The following SEMA6D variants were observed in gnomAD, a reference collection of about 807,000 sequenced individuals.
SEMA6D encodes the protein semaphorin-6D.
In SEMA6D, 35 loss-of-function variants were observed where a neutral mutation model predicts 106.6. The ratio of observed to expected loss-of-function variants is 0.33; its 90% CI spans 0.25 to 0.44. SEMA6D has a LOEUF of 0.44. SEMA6D is among the 20% of genes least tolerant of loss of function. SEMA6D has a pLI of 1.00. For missense variants in SEMA6D, 1,185 were observed against 1,345.9 expected (o/e 0.88, Z 1.87); for synonymous variants, 499 against 487.7 (o/e 1.02, Z -0.31).
chr15:47,722,428 G>A (rs1023676877), intron 1 of SEMA6D, among the ~76,000 whole-genome samples: 3 of 152,102 alleles, frequency 2.0e-5, no homozygotes, highest in Admixed American at 6.6e-5. Flanking sequence ...TATGGGGCCC[G>A]TGTGTACTAG....
chr15:47,592,720 T>A (rs2076461977), intron 3 of SEMA6D, among the ~76,000 whole-genome samples: 1 of 152,190 alleles, frequency 6.6e-6, no homozygotes, highest in Non-Finnish European at 1.5e-5. Context: ...ATGAAAAGAT[T>A]GTAGAATTTT....
At chr15:47,242,966 GT>G (rs1202529622) in intron 1 of SEMA6D, among the ~76,000 whole-genome samples, 2 of 152,122 alleles carry the variant, frequency 1.3e-5, no homozygotes, top group African/African-American at 4.8e-5. Context: ...ATCATAGGTT[GT>G]TTGAGGATGT....
chr15:47,472,249 A>G (rs1465313930), intron 3 of SEMA6D, among the ~76,000 whole-genome samples: 2 of 152,144 alleles, frequency 1.3e-5, no homozygotes, highest in Non-Finnish European at 2.9e-5. Flanking sequence ...AATAGCCCCT[A>G]TTGTACAGAG....
At chr15:47,417,221 A>G (rs1051099409) in intron 2 of SEMA6D, among the ~76,000 whole-genome samples, 2 of 152,142 alleles carry the variant, frequency 1.3e-5, no homozygotes, top group African/African-American at 4.8e-5. Context: ...TTCCAGAAAC[A>G]TTTTAAAAGC....
chr15:47,543,851 A>C (rs77371654), intron 3 of SEMA6D, among the ~76,000 whole-genome samples: 5,657 of 152,090 alleles, frequency 0.037, 318 homozygotes, highest in African/African-American at 0.12. Flanking sequence ...GAGAAAAAAA[A>C]CCCTTTATTC....
chr15:47,531,944 G>A (rs1365926966), intron 3 of SEMA6D, among the ~76,000 whole-genome samples: 1 of 152,198 alleles, frequency 6.6e-6, no homozygotes, highest in Non-Finnish European at 1.5e-5. Flanking sequence ...TGGTGCAAAA[G>A]TAATGGCAAA....
At chr15:47,680,202 T>C (rs1360601840) in intron 4 of SEMA6D, among the ~76,000 whole-genome samples, 1 of 152,208 alleles carries the variant, frequency 6.6e-6, no homozygotes, top group South Asian at 2.1e-4. Flanking sequence ...CACCTGCCCG[T>C]AGCAGCTCCT....
At chr15:47,555,556 A>G (rs1040265821) in intron 3 of SEMA6D, among the ~76,000 whole-genome samples, 4 of 152,174 alleles carry the variant, frequency 2.6e-5, no homozygotes, top group Non-Finnish European at 5.9e-5. Flanking sequence ...GGGTATGTGT[A>G]GTCCAAGTTA....
chr15:47,490,647 A>G lies in SEMA6D; in HGVS notation c.-87+20102A>G, dbSNP rs565991456. Among the ~76,000 whole-genome samples, 28 of 152,210 alleles carry G rather than the reference A, an allele frequency of 1.8e-4. No individual in the cohort carries two copies. In the South Asian group the frequency reaches 5.6e-3, roughly 30 times the overall value. On this transcript the variant is annotated intron_variant, in intron 3 of 19. Transcript: ENST00000558014. ...GCAACAGAGTAAGGCTCTGTCTCAA[A>G]TAATAATAATAATACAAATAGAAGC...
At chr15:47,620,715 C>CACAT (rs1555400161) in intron 4 of SEMA6D, among the ~76,000 whole-genome samples, 3 of 148,766 alleles carry the variant, frequency 2.0e-5, no homozygotes, top group Non-Finnish European at 4.5e-5. Flanking sequence ...TATATACACA[C>CACAT]ATATATATAT....
chr15:47,657,959 C>A (rs1427930857), intron 4 of SEMA6D, among the ~76,000 whole-genome samples: 3 of 151,536 alleles, frequency 2.0e-5, no homozygotes, highest in African/African-American at 7.3e-5. Context: ...CCAGGATGGT[C>A]TCGATCTCCT....
chr15:47,566,970 C>T (rs1225219126), intron 3 of SEMA6D, among the ~76,000 whole-genome samples: 1 of 152,140 alleles, frequency 6.6e-6, no homozygotes, highest in East Asian at 1.9e-4. Flanking sequence ...CTCCTTTGGA[C>T]AAGGCATGAA....
chr15:47,503,220 T>C (rs539788386), intron 3 of SEMA6D, among the ~76,000 whole-genome samples: 6 of 152,350 alleles, frequency 3.9e-5, no homozygotes, highest in Admixed American at 2.0e-4. Context: ...TTTCTGCTGA[T>C]ATATCTATTT....
At chr15:47,689,740 G>A (rs918811242) in intron 4 of SEMA6D, among the ~76,000 whole-genome samples, 1 of 152,226 alleles carries the variant, frequency 6.6e-6, no homozygotes, top group Non-Finnish European at 1.5e-5. Flanking sequence ...ACTGAGAGAT[G>A]AGGACTTCCT....
intron 1 of SEMA6D, among the ~76,000 whole-genome samples, chr15:47,351,660 T>C (rs960854972): frequency 2.0e-5 from 3 of 152,142 alleles, no homozygotes; most frequent in African/African-American, 7.2e-5. Flanking sequence ...CACTTGCCAC[T>C]TGGTTGTGTA....
chr15:47,353,087 A>T (rs909773738), intron 1 of SEMA6D, among the ~76,000 whole-genome samples: 1 of 152,026 alleles, frequency 6.6e-6, no homozygotes, highest in Admixed American at 6.6e-5. Flanking sequence ...GTGTGTATGT[A>T]TGTATGTAAA....
intron 4 of SEMA6D, among the ~76,000 whole-genome samples, chr15:47,657,908 T>C (rs1236579508): frequency 6.6e-5 from 10 of 151,436 alleles, no homozygotes; most frequent in African/African-American, 2.4e-5. Context: ...GCCCGGCTAA[T>C]TTTTTGTATT....
At chr15:47,395,767 T>G (rs1429259251) in intron 1 of SEMA6D, 1 of 152,258 alleles carries the variant, frequency 6.6e-6, no homozygotes, top group Non-Finnish European at 1.5e-5. Context: ...AGAAATGCAG[T>G]AGGTTCGTAT....
chr15:47,682,212 T>A (rs2078369507), intron 4 of SEMA6D, among the ~76,000 whole-genome samples: 2 of 151,074 alleles, frequency 1.3e-5, no homozygotes, highest in Admixed American at 6.6e-5. Context: ...CTTTCACCCA[T>A]GCTGGACTGC....
Sources: gnomAD v4.1 joint callset for allele counts (sites outside exome capture counted in the v4.1 genomes callset) on GRCh38, gnomAD v4.1.1 for gene constraint, MANE v1.5 for transcripts, NCBI Gene and HGNC (gene_info 2026-07-23, HGNC 2026-07-21) for gene names.